Variants in GPM6A observed in about 807,000 individuals in gnomAD.
The protein encoded by GPM6A is glycoprotein M6A.
Under a neutral mutation model 32.1 loss-of-function variants are expected in GPM6A, and 7 were observed. The ratio of observed to expected loss-of-function variants is 0.22; its 90% CI spans 0.12 to 0.41. The LOEUF (loss-of-function observed/expected upper bound fraction) is 0.41. Ranked by LOEUF, GPM6A falls within the 10% of genes least tolerant of loss-of-function variation. The probability of loss-of-function intolerance (pLI) is 1.00; values close to 1 mark genes in which losing one functional copy is unlikely to be tolerated. For missense variants in GPM6A, 235 were observed against 347.2 expected (o/e 0.68, Z 2.57); for synonymous variants, 130 against 123.4 (o/e 1.05, Z -0.35).
At chr4:175,820,868 A>G (rs932258932) in intron 1 of GPM6A, among the ~76,000 whole-genome samples, 14 of 152,016 alleles carry the variant, frequency 9.2e-5, no homozygotes, top group Admixed American at 5.9e-4. Context: ...TTCTTCCTCA[A>G]TCTTTTAATG....
At chr4:175,924,685 C>T (rs552382684) in intron 1 of GPM6A, among the ~76,000 whole-genome samples, 127 of 152,058 alleles carry the variant, frequency 8.4e-4, no homozygotes, top group Non-Finnish European at 1.2e-3. Flanking sequence ...ACTAAAAATA[C>T]AAAAATTAGT....
intron 1 of GPM6A, among the ~76,000 whole-genome samples, chr4:175,969,776 C>T (rs1740444854): frequency 1.3e-5 from 2 of 152,082 alleles, no homozygotes; most frequent in Admixed American, 1.3e-4. Flanking sequence ...AAATGTATCG[C>T]AACAGGGCAA....
intron 1 of GPM6A, among the ~76,000 whole-genome samples, chr4:175,926,342 T>G (rs13353724): frequency 6.6e-6 from 1 of 152,108 alleles, no homozygotes; most frequent in Non-Finnish European, 1.5e-5. Flanking sequence ...AAAACACGCA[T>G]AAGATCAAGG....
chr4:175,765,502 C>G (rs1267016062), intron 1 of GPM6A, among the ~76,000 whole-genome samples: 2 of 152,288 alleles, frequency 1.3e-5, no homozygotes, highest in East Asian at 3.9e-4. Context: ...TCCATCGCCT[C>G]AAACATTTCT....
chr4:175,936,436 T>C (rs1381402582), intron 1 of GPM6A, among the ~76,000 whole-genome samples: 4 of 151,088 alleles, frequency 2.6e-5, no homozygotes, highest in African/African-American at 9.7e-5. Flanking sequence ...TTAAACTGCA[T>C]ATGTGATGCC....
chr4:175,684,019 T>C (rs532524145), intron 2 of GPM6A, among the ~76,000 whole-genome samples: 1 of 152,108 alleles, frequency 6.6e-6, no homozygotes, highest in South Asian at 2.1e-4. Context: ...TTAGTAAAGA[T>C]GGAGTTTCAC....
intron 1 of GPM6A, among the ~76,000 whole-genome samples, chr4:175,847,499 C>T (rs1351697995): frequency 6.6e-6 from 1 of 152,124 alleles, no homozygotes; most frequent in Non-Finnish European, 1.5e-5. Context: ...ATGCTGCCCA[C>T]CACTCAGTCA....
At chr4:175,670,004 G>GAAAAAAA (rs533205454) in intron 3 of GPM6A, among the ~76,000 whole-genome samples, 4 of 143,590 alleles carry the variant, frequency 2.8e-5, no homozygotes, top group African/African-American at 1.0e-4. Context: ...CAGCCCTCAG[G>GAAAAAAA]AAAAAAAAAA....
intron 1 of GPM6A, among the ~76,000 whole-genome samples, chr4:175,765,217 T>C (rs934751970): frequency 1.3e-5 from 2 of 152,062 alleles, no homozygotes; most frequent in African/African-American, 4.8e-5. Context: ...TCCCTACCAA[T>C]GTAAAGTCCA....
chr4:175,860,964 C>A (rs1736556571), intron 1 of GPM6A, among the ~76,000 whole-genome samples: 1 of 150,728 alleles, frequency 6.6e-6, no homozygotes. Context: ...AATATCTCAT[C>A]CATGTGAAAA....
chr4:175,869,914 G>T (rs1736854401), intron 1 of GPM6A, among the ~76,000 whole-genome samples: 1 of 152,088 alleles, frequency 6.6e-6, no homozygotes, highest in Non-Finnish European at 1.5e-5. Context: ...CCATTTACAA[G>T]TGAGGAAATA....
chr4:175,651,581 T>C (rs1377321374), intron 4 of GPM6A, among the ~76,000 whole-genome samples: 1 of 152,140 alleles, frequency 6.6e-6, no homozygotes, highest in African/African-American at 2.4e-5. Context: ...AACCTGTCAA[T>C]ATCAGGTAAT....
At chr4:175,852,535 G>A (rs977449467) in intron 1 of GPM6A, among the ~76,000 whole-genome samples, 1 of 152,126 alleles carries the variant, frequency 6.6e-6, no homozygotes, top group Admixed American at 6.5e-5. Flanking sequence ...GCCCTTTATT[G>A]TGTCATGTTT....
chr4:175,892,417 G>A (rs577552333), intron 1 of GPM6A, among the ~76,000 whole-genome samples: 24 of 151,980 alleles, frequency 1.6e-4, no homozygotes, highest in African/African-American at 4.6e-4. Flanking sequence ...CCTTCAACTT[G>A]TAATTCATGT....
chr4:175,961,644 A>T (rs1343226329), intron 1 of GPM6A, among the ~76,000 whole-genome samples: 1 of 152,178 alleles, frequency 6.6e-6, no homozygotes, highest in Non-Finnish European at 1.5e-5. Context: ...CAGGAGCCCT[A>T]CCAGGTTCTC....
At chr4:175,872,941 A>C (rs1394352659) in intron 1 of GPM6A, among the ~76,000 whole-genome samples, 2 of 152,172 alleles carry the variant, frequency 1.3e-5, no homozygotes, top group Non-Finnish European at 2.9e-5. Flanking sequence ...TAACCTTCAT[A>C]AAGGGATCAA....
chr4:175,979,099 C>T (rs893984701), intron 1 of GPM6A, among the ~76,000 whole-genome samples: 5 of 152,064 alleles, frequency 3.3e-5, no homozygotes, highest in African/African-American at 1.2e-4. Context: ...AATATCTGGT[C>T]AGAATAGAAG....
intron 1 of GPM6A, among the ~76,000 whole-genome samples, chr4:176,000,817 CTT>C (rs1468074212): frequency 6.6e-6 from 1 of 152,156 alleles, no homozygotes; most frequent in Non-Finnish European, 1.5e-5. Context: ...GAACACAACA[CTT>C]AACAACCAAA....
At chr4:175,909,665 A>G (rs147230424) in intron 1 of GPM6A, among the ~76,000 whole-genome samples, 54 of 152,308 alleles carry the variant, frequency 3.5e-4, no homozygotes, top group African/African-American at 1.3e-3. Context: ...CTAAAGGAAG[A>G]GCAATAACGA....
Sources: gnomAD v4.1 joint callset for allele counts (sites outside exome capture counted in the v4.1 genomes callset) on GRCh38, gnomAD v4.1.1 for gene constraint, MANE v1.5 for transcripts, NCBI Gene and HGNC (gene_info 2026-07-23, HGNC 2026-07-21) for gene names.